The following WWC2 variants were observed in gnomAD, a reference collection of about 807,000 sequenced individuals.
WWC2 encodes the protein WW and C2 domain containing 2.
WWC2 carries 101 observed loss-of-function variants against 138.5 expected under a neutral mutation model. The observed-to-expected ratio is 0.73, with a 90% CI of 0.62 to 0.86. WWC2 has a LOEUF of 0.86. Among genes scored for constraint, WWC2 ranks in the 40% least tolerant of loss-of-function variants. The pLI is 0.00. For missense variants in WWC2, 1,420 were observed against 1,419.4 expected (o/e 1.00, Z -0.01); for synonymous variants, 558 against 538.4 (o/e 1.04, Z -0.50).
intron 21 of WWC2, among the ~76,000 whole-genome samples, chr4:183,311,768 G>T (rs571652305): frequency 6.3e-4 from 96 of 151,834 alleles, no homozygotes; most frequent in African/African-American, 2.2e-3. Context: ...TAGTAGAGAC[G>T]GGGTTTCACC....
intron 1 of WWC2, among the ~76,000 whole-genome samples, chr4:183,146,706 G>T (rs940211182): frequency 1.1e-4 from 16 of 152,178 alleles, no homozygotes; most frequent in African/African-American, 3.9e-4. Context: ...GGCTGGGGCT[G>T]GGGAATGTGA....
chr4:183,315,023 C>T (rs1007032323), intron 22 of WWC2, among the ~76,000 whole-genome samples: 1 of 152,242 alleles, frequency 6.6e-6, no homozygotes, highest in African/African-American at 2.4e-5. Flanking sequence ...TCAAGAAATA[C>T]GTGCTGACGG....
At chr4:183,120,217 G>A (rs1237276899) in intron 1 of WWC2, among the ~76,000 whole-genome samples, 1 of 152,194 alleles carries the variant, frequency 6.6e-6, no homozygotes, top group African/African-American at 2.4e-5. Flanking sequence ...CATTCTCAAT[G>A]TCAGCTGCCT....
chr4:183,281,064 G>A (rs1458684234), intron 17 of WWC2, 167 bp downstream of exon 17: 5 of 978,322 alleles, frequency 5.1e-6, no homozygotes, highest in East Asian at 3.1e-5. Context: ...GAGAGTTAAG[G>A]AAGTAATGGC....
intron 15 of WWC2, among the ~76,000 whole-genome samples, chr4:183,270,512 C>G (rs1737664814): frequency 6.6e-6 from 1 of 152,020 alleles, no homozygotes; most frequent in South Asian, 2.1e-4. Flanking sequence ...GCCTGTAATC[C>G]TAGCACTTTG....
intron 2 of WWC2, among the ~76,000 whole-genome samples, chr4:183,207,396 A>G (rs1007482367): frequency 2.0e-5 from 3 of 152,232 alleles, no homozygotes; most frequent in African/African-American, 4.8e-5. Flanking sequence ...GTGAAAATGT[A>G]TACACACAAA....
intron 1 of WWC2, among the ~76,000 whole-genome samples, chr4:183,166,996 G>A (rs1341360820): frequency 6.6e-6 from 1 of 152,124 alleles, no homozygotes; most frequent in Non-Finnish European, 1.5e-5. Context: ...ATGTGGCTGG[G>A]CAATATGGTT....
At chr4:183,124,023 T>C (rs1732684546) in intron 1 of WWC2, among the ~76,000 whole-genome samples, 1 of 152,226 alleles carries the variant, frequency 6.6e-6, no homozygotes, top group South Asian at 2.1e-4. Flanking sequence ...TAAGTATCAT[T>C]GGAATTAAAT....
intron 1 of WWC2, among the ~76,000 whole-genome samples, chr4:183,125,695 C>T (rs1043600229): frequency 2.0e-5 from 3 of 152,094 alleles, no homozygotes; most frequent in African/African-American, 7.2e-5. Context: ...GTTTTAATAT[C>T]GAAGTAGAAA....
At chr4:183,207,816 C>A in intron 2 of WWC2, 137 bp from the exon 3 acceptor site, 1 of 718,492 alleles carries the variant, frequency 1.4e-6, no homozygotes, top group Non-Finnish European at 2.1e-6. Context: ...ACTAAAATTT[C>A]TGGAGAAGTC....
Position 183,237,821 on chromosome 4 carries a change from C to T in WWC2, c.523-2362C>T, listed in dbSNP as rs183886065. On this transcript the variant is annotated intron_variant, in intron 4 of 22. Transcript: ENST00000403733. ...CTTTGTCACGTTGTTCCTCATAGTGCCTGGTCTCCCTCTTGACATTTTTCT... is the reference window on the plus strand; with the variant it reads ...CTTTGTCACGTTGTTCCTCATAGTGTCTGGTCTCCCTCTTGACATTTTTCT... Among the ~76,000 whole-genome samples, 4 of 152,272 alleles carry T rather than the reference C, an allele frequency of 2.6e-5. No homozygotes were observed. In the East Asian group the frequency reaches 5.8e-4, roughly 22 times the overall value.
chr4:183,296,794 C>T (rs913465507), intron 21 of WWC2, among the ~76,000 whole-genome samples: 7 of 151,828 alleles, frequency 4.6e-5, no homozygotes, highest in African/African-American at 1.7e-4. Context: ...ATTAGCGAGG[C>T]ATGGTGGCAG....
At chr4:183,198,279 T>C (rs762283851) in intron 2 of WWC2, among the ~76,000 whole-genome samples, 8 of 152,208 alleles carry the variant, frequency 5.3e-5, no homozygotes, top group Non-Finnish European at 1.0e-4. Flanking sequence ...AGAAAAATTA[T>C]CTATGTTCAT....
At position 183,312,472 on chromosome 4, in the gene WWC2, A is replaced by T. The variant is rs755598980; in HGVS notation, c.3512+4A>T. 1.2e-6 allele frequency: 2 copies of T among 1,613,448 alleles called. No individual in the cohort carries two copies. The highest frequency in any genetic ancestry group is 1.1e-5 in the South Asian group (1 of 91,034). On this transcript the variant is annotated splice_donor_region_variant and intron_variant, in intron 22 of 22. Transcript: ENST00000403733. ...CTCGGCAGGTGCAGTCCTTCAGGTG[A>T]ATAGCCCCATCCAGGACAGCTTTTG...
intron 22 of WWC2, among the ~76,000 whole-genome samples, chr4:183,314,908 G>A (rs532969094): frequency 3.3e-5 from 5 of 152,192 alleles, no homozygotes; most frequent in African/African-American, 1.2e-4. Flanking sequence ...CCTCAGCTCT[G>A]GTTTCTAACC....
intron 18 of WWC2, 138 bp downstream of exon 18, chr4:183,283,044 G>T (rs1027535473): frequency 4.9e-6 from 4 of 812,864 alleles, no homozygotes; most frequent in East Asian, 5.5e-5. Flanking sequence ...AGGCATATGT[G>T]GGAATAGGCT....
At chr4:183,280,563 C>A (rs1738036722) in intron 16 of WWC2, among the ~76,000 whole-genome samples, 1 of 152,086 alleles carries the variant, frequency 6.6e-6, no homozygotes, top group Non-Finnish European at 1.5e-5. Context: ...TCTTGGCCCT[C>A]TAGTCCTGAT....
chr4:183,254,112 G>A, intron 9 of WWC2, 113 bp downstream of exon 9: 2 of 1,440,116 alleles, frequency 1.4e-6, no homozygotes, highest in Non-Finnish European at 1.8e-6. Context: ...AGTGGACTGA[G>A]AAACAGCACA....
intron 1 of WWC2, among the ~76,000 whole-genome samples, chr4:183,143,861 T>C (rs576967385): frequency 4.6e-5 from 7 of 152,212 alleles, no homozygotes; most frequent in Admixed American, 6.5e-5. Context: ...GCAAGAATTA[T>C]GTTAAGTTTT....
Sources: gnomAD v4.1 joint callset for allele counts (sites outside exome capture counted in the v4.1 genomes callset) on GRCh38, gnomAD v4.1.1 for gene constraint, MANE v1.5 for transcripts, NCBI Gene and HGNC (gene_info 2026-07-23, HGNC 2026-07-21) for gene names.